The following PTPRD variants were observed in gnomAD, a reference collection of about 807,000 sequenced individuals.
PTPRD encodes the protein protein tyrosine phosphatase receptor type D, also known as receptor-type tyrosine-protein phosphatase delta.
Under a neutral mutation model 214.5 loss-of-function variants are expected in PTPRD, and 34 were observed. The ratio of observed to expected loss-of-function variants is 0.16; its 90% CI spans 0.12 to 0.21. PTPRD has a LOEUF of 0.21. Ranked by LOEUF, PTPRD falls within the 10% of genes least tolerant of loss-of-function variation. The pLI is 1.00. For synonymous variants in PTPRD, 1,128 were observed against 845.7 expected (o/e 1.33, Z -5.79); for missense variants, 2,545 against 2,398.7 (o/e 1.06, Z -1.27).
chr9:9,522,981 G>C (rs1233457709), intron 8 of PTPRD, among the ~76,000 whole-genome samples: 6 of 152,096 alleles, frequency 3.9e-5, no homozygotes, highest in Admixed American at 3.9e-4. Context: ...ATCTATGGAG[G>C]AGGCCATGTA....
intron 3 of PTPRD, among the ~76,000 whole-genome samples, chr9:10,104,379 C>A (rs1438197735): frequency 1.3e-5 from 2 of 151,700 alleles, no homozygotes; most frequent in East Asian, 3.9e-4. Context: ...TTGATGAATT[C>A]TTTAAAAATA....
At chr9:10,366,146 A>C (rs1442635048) in intron 2 of PTPRD, among the ~76,000 whole-genome samples, 1 of 152,160 alleles carries the variant, frequency 6.6e-6, no homozygotes, top group East Asian at 1.9e-4. Flanking sequence ...TCTTTGGTTG[A>C]AACATGCTGT....
intron 11 of PTPRD, among the ~76,000 whole-genome samples, chr9:8,873,908 G>A (rs944877542): frequency 6.6e-6 from 1 of 152,082 alleles, no homozygotes; most frequent in African/African-American, 2.4e-5. Context: ...TGGTGCATTT[G>A]TGCACCATTT....
In PTPRD at chr9:9,830,446, C is replaced by A. The variant is rs10816198; in HGVS notation, c.-367-63595G>T. Among the ~76,000 whole-genome samples the A allele has an allele frequency of 6.2e-3, 935 of 151,856 alleles. 26 individuals carry two copies. The East Asian group carries it at 0.067, about 11-fold the overall frequency. ...TATAAAAGATTACATAAAGTATGATCCTATTTTTGATAGATAATCATATGT... is the reference window on the plus strand; with the variant it reads ...TATAAAAGATTACATAAAGTATGATACTATTTTTGATAGATAATCATATGT... On this transcript the variant is annotated intron_variant, in intron 5 of 45. Coordinates refer to ENST00000381196, the MANE Select transcript of PTPRD (RefSeq NM_002839.4).
intron 3 of PTPRD, among the ~76,000 whole-genome samples, chr9:10,097,711 C>G (rs2098505945): frequency 6.6e-6 from 1 of 151,776 alleles, no homozygotes; most frequent in Non-Finnish European, 1.5e-5. Flanking sequence ...TCCTCTTTTC[C>G]TAATTGAATG....
chr9:10,017,647 T>A (rs1227387128), intron 4 of PTPRD, among the ~76,000 whole-genome samples: 1 of 152,144 alleles, frequency 6.6e-6, no homozygotes, highest in Admixed American at 6.5e-5. Flanking sequence ...GAAAAATCAA[T>A]TATCTTAGTA....
At chr9:8,492,048 A>T (rs557487634) in intron 27 of PTPRD, among the ~76,000 whole-genome samples, 1 of 152,304 alleles carries the variant, frequency 6.6e-6, no homozygotes, top group East Asian at 1.9e-4. Context: ...GGCTGACCAA[A>T]GTCATCCTAA....
intron 8 of PTPRD, among the ~76,000 whole-genome samples, chr9:9,437,408 C>A (rs889445296): frequency 3.3e-5 from 5 of 150,996 alleles, no homozygotes; most frequent in African/African-American, 9.8e-5. Flanking sequence ...TGGCTGTAAT[C>A]ACAATGATGC....
chr9:9,302,617 T>TTTG (rs369926785), intron 9 of PTPRD, among the ~76,000 whole-genome samples: 2 of 146,922 alleles, frequency 1.4e-5, no homozygotes, highest in African/African-American at 5.0e-5. Flanking sequence ...TTTTTTTTTT[T>TTTG]GTCTTTCCTG....
At chr9:9,519,072 G>C (rs772033096) in intron 8 of PTPRD, among the ~76,000 whole-genome samples, 47 of 152,026 alleles carry the variant, frequency 3.1e-4, no homozygotes, top group Middle Eastern at 3.4e-3. Flanking sequence ...TAATCTCCAT[G>C]TGTTTGCAAA....
In PTPRD at chr9:9,733,916, T is replaced by C. The variant is rs111588786; in HGVS notation, c.-287+617A>G. Among the ~76,000 whole-genome samples the C allele has an allele frequency of 6.8e-4, 103 of 152,284 alleles. 1 individual carries two copies. The highest frequency in any genetic ancestry group is 2.2e-3 in the African/African-American group (92 of 41,576). On this transcript the variant is annotated intron_variant, in intron 7 of 45. Coordinates refer to ENST00000381196, the MANE Select transcript of PTPRD (RefSeq NM_002839.4). ...AAGACTGGGTGGATTCAAACATGAA[T>C]ACAAAGCTGCTGTTTGGAAAAATAC...
At chr9:10,013,922 T>G (rs2096650469) in intron 4 of PTPRD, among the ~76,000 whole-genome samples, 1 of 151,966 alleles carries the variant, frequency 6.6e-6, no homozygotes, top group Non-Finnish European at 1.5e-5. Flanking sequence ...TTAGGTTTTG[T>G]ACCCTTCTGC....
rs114177374 is a variant in PTPRD at position 9,693,836 on chromosome 9, G to A, written c.-287+40697C>T. ...GTATTTTCAAATAAACTGCCTTCAG[G>A]CTCACTCCTTTTTTATCAATTGCTT... On this transcript the variant is annotated intron_variant, in intron 7 of 45. Transcript: ENST00000381196. Among the ~76,000 whole-genome samples the A allele has an allele frequency of 2.5e-3, 385 of 152,156 alleles. 1 individual carries two copies. The highest frequency in any genetic ancestry group is 8.8e-3 in the African/African-American group (367 of 41,510).
At chr9:9,315,424 T>C (rs1962204629) in intron 9 of PTPRD, among the ~76,000 whole-genome samples, 2 of 152,006 alleles carry the variant, frequency 1.3e-5, no homozygotes, top group Admixed American at 1.3e-4. Context: ...TTATCTAGGA[T>C]AATTAGGTTT....
At chr9:8,361,351 G>A (rs1032098108) in intron 39 of PTPRD, among the ~76,000 whole-genome samples, 1 of 152,152 alleles carries the variant, frequency 6.6e-6, no homozygotes, top group South Asian at 2.1e-4. Context: ...AATTTTAAAA[G>A]ACTGCAAGCC....
chr9:9,030,635 C>T (rs962800817), intron 10 of PTPRD, among the ~76,000 whole-genome samples: 12 of 151,782 alleles, frequency 7.9e-5, no homozygotes, highest in East Asian at 3.9e-4. Flanking sequence ...TCAAGAGTCA[C>T]GGTTCTCCCA....
At chr9:9,465,063 T>C (rs1319462297) in intron 8 of PTPRD, among the ~76,000 whole-genome samples, 2 of 152,236 alleles carry the variant, frequency 1.3e-5, no homozygotes, top group East Asian at 3.8e-4. Context: ...TATTACTGGC[T>C]ACAGAGATCT....
chr9:9,477,033 C>G (rs2095100151), intron 8 of PTPRD, among the ~76,000 whole-genome samples: 1 of 152,100 alleles, frequency 6.6e-6, no homozygotes, highest in African/African-American at 2.4e-5. Flanking sequence ...CCACACCTGG[C>G]CCTTCATACC....
intron 2 of PTPRD, among the ~76,000 whole-genome samples, chr9:10,590,278 A>G (rs1201468975): frequency 6.6e-6 from 1 of 152,056 alleles, no homozygotes. Context: ...AAGCACTTTT[A>G]TCTACAATCA....
Sources: gnomAD v4.1 joint callset for allele counts (sites outside exome capture counted in the v4.1 genomes callset) on GRCh38, gnomAD v4.1.1 for gene constraint, MANE v1.5 for transcripts, NCBI Gene and HGNC (gene_info 2026-07-23, HGNC 2026-07-21) for gene names.